The following SLC26A7 variants were observed in gnomAD, a reference collection of about 807,000 sequenced individuals.
SLC26A7 encodes anion exchange transporter.
Under a neutral mutation model 82.5 loss-of-function variants are expected in SLC26A7, and 59 were observed. The observed-to-expected ratio is 0.72, with a 90% CI of 0.58 to 0.89. The LOEUF (loss-of-function observed/expected upper bound fraction) is 0.89. SLC26A7 is among the 40% of genes least tolerant of loss of function. The pLI, the probability that SLC26A7 is intolerant of heterozygous loss-of-function variation, is 0.00. For missense variants in SLC26A7, 820 were observed against 793.0 expected (o/e 1.03, Z -0.41); for synonymous variants, 271 against 274.3 (o/e 0.99, Z 0.12).
chr8:91,345,769 C>A (rs1339275200), intron 9 of SLC26A7, among the ~76,000 whole-genome samples: 2 of 152,150 alleles, frequency 1.3e-5, no homozygotes, highest in Non-Finnish European at 2.9e-5. Context: ...CAATGTGTTC[C>A]ATAACTGGGG....
intron 2 of SLC26A7, among the ~76,000 whole-genome samples, chr8:91,240,154 G>T (rs1196048425): frequency 6.6e-6 from 1 of 152,062 alleles, no homozygotes; most frequent in African/African-American, 2.4e-5. Context: ...CCAATGTTCT[G>T]GTTGGTTGTC....
chr8:91,255,304 T>C (rs879616162), intron 2 of SLC26A7, among the ~76,000 whole-genome samples: 10 of 152,158 alleles, frequency 6.6e-5, no homozygotes, highest in Non-Finnish European at 1.5e-4. Context: ...TGTGTGGCAT[T>C]ACTGGCACCA....
At chr8:91,335,741 T>A (rs548359498) in intron 6 of SLC26A7, among the ~76,000 whole-genome samples, 1 of 152,206 alleles carries the variant, frequency 6.6e-6, no homozygotes, top group African/African-American at 2.4e-5. Flanking sequence ...GCCCAAATAC[T>A]TACAAGTTAT....
At chr8:91,273,570 A>G (rs1005711160) in intron 2 of SLC26A7, among the ~76,000 whole-genome samples, 1 of 152,200 alleles carries the variant, frequency 6.6e-6, no homozygotes, top group Non-Finnish European at 1.5e-5. Context: ...TACAGTTCTC[A>G]GGACAGAAAA....
intron 7 of SLC26A7, 70 bp downstream of exon 7, chr8:91,338,302 A>T: frequency 1.9e-6 from 2 of 1,046,504 alleles, no homozygotes; most frequent in Non-Finnish European, 2.8e-6. Flanking sequence ...AGGGACAGGG[A>T]GTGAGTGGGT....
chr8:91,394,577 G>A, intron 18 of SLC26A7: 1 of 1,202,542 alleles, frequency 8.3e-7, no homozygotes, highest in Non-Finnish European at 1.0e-6. Context: ...ATTTTTCCTT[G>A]AGTTTTGAAT....
rs76265786 is a variant in SLC26A7 at position 91,308,569 on chromosome 8, A to G, written c.478-9647A>G. ...TCTATTTTCTCCCTTTCCATACTGT[A>G]TTCTGTGGAAATAAGTCATTATGAA... On this transcript the variant is annotated intron_variant, in intron 4 of 18. Coordinates refer to ENST00000276609, the MANE Select transcript of SLC26A7 (RefSeq NM_052832.4). 4.6e-3 allele frequency among the ~76,000 whole-genome samples: 703 copies of G among 152,216 alleles called. 5 individuals carry two copies. Among genetic ancestry groups the G allele is most frequent in the African/African-American group, 0.016 (673 of 41,540 alleles).
intron 2 of SLC26A7, among the ~76,000 whole-genome samples, chr8:91,221,896 T>A (rs1037865196): frequency 2.0e-5 from 3 of 152,172 alleles, no homozygotes; most frequent in Middle Eastern, 3.4e-3. Context: ...AGTTTTTTTT[T>A]ATTTCTGTGA....
chr8:91,368,645 G>A (rs1000709653), intron 14 of SLC26A7, among the ~76,000 whole-genome samples: 11 of 151,704 alleles, frequency 7.3e-5, no homozygotes, highest in Non-Finnish European at 1.5e-4. Flanking sequence ...GGATGGTCTC[G>A]ATCTCCTGAC....
chr8:91,296,258 T>G (rs538693668), intron 4 of SLC26A7, among the ~76,000 whole-genome samples: 1 of 152,332 alleles, frequency 6.6e-6, no homozygotes, highest in South Asian at 2.1e-4. Context: ...CTTCAAAATA[T>G]CAGAATATGT....
intron 4 of SLC26A7, among the ~76,000 whole-genome samples, chr8:91,317,476 A>T (rs975778420): frequency 6.6e-6 from 1 of 152,166 alleles, no homozygotes; most frequent in Non-Finnish European, 1.5e-5. Flanking sequence ...GTGTTCCACT[A>T]TTGGAATGCT....
intron 6 of SLC26A7, among the ~76,000 whole-genome samples, 162 bp from the exon 7 acceptor site, chr8:91,337,988 G>A (rs1468104723): frequency 6.6e-6 from 1 of 152,096 alleles, no homozygotes; most frequent in Non-Finnish European, 1.5e-5. Flanking sequence ...GGGACTTTTT[G>A]ACTTTTAATA....
At chr8:91,394,128 C>T in intron 18 of SLC26A7, 89 bp downstream of exon 18, 1 of 1,589,530 alleles carries the variant, frequency 6.3e-7, no homozygotes, top group Middle Eastern at 1.7e-4. Flanking sequence ...GCTTATTACT[C>T]CATTGGCATC....
intron 3 of SLC26A7, among the ~76,000 whole-genome samples, chr8:91,294,988 C>T (rs1280215895): frequency 1.3e-5 from 2 of 152,098 alleles, no homozygotes; most frequent in African/African-American, 2.4e-5. Context: ...GGATTTGAGC[C>T]AGACCTTGAA....
chr8:91,376,388 T>C (rs1412827518), intron 15 of SLC26A7, among the ~76,000 whole-genome samples: 1 of 152,218 alleles, frequency 6.6e-6, no homozygotes, highest in African/African-American at 2.4e-5. Context: ...GATGGGACTT[T>C]TACATTTTTC....
At chr8:91,347,038 CT>C (rs1272568746) in intron 9 of SLC26A7, among the ~76,000 whole-genome samples, 4 of 152,188 alleles carry the variant, frequency 2.6e-5, no homozygotes, top group Non-Finnish European at 4.4e-5. Context: ...CTTAAAGCTA[CT>C]GGAGAACACA....
At chr8:91,242,945 G>A (rs940026120) in intron 2 of SLC26A7, among the ~76,000 whole-genome samples, 1 of 152,092 alleles carries the variant, frequency 6.6e-6, no homozygotes, top group African/African-American at 2.4e-5. Flanking sequence ...CTAGATTCAA[G>A]ATATCAAACA....
chr8:91,308,764 T>A (rs1053739195), intron 4 of SLC26A7, among the ~76,000 whole-genome samples: 5 of 152,210 alleles, frequency 3.3e-5, no homozygotes, highest in African/African-American at 9.6e-5. Flanking sequence ...TATTCTTTGG[T>A]TATAATCCAA....
rs200934477 is a variant in SLC26A7, at chr8:91,334,331, C to A, written c.679C>A (p.Arg227=). 8.1e-6 allele frequency: 13 copies of A among 1,612,362 alleles called. No individual in the cohort carries two copies. Among genetic ancestry groups the A allele is most frequent in the Non-Finnish European group, 1.0e-5 (12 of 1,179,046 alleles). Residue 227 remains arginine (R), a synonymous_variant, in exon 6 of 19, where the codon CGA becomes AGA. Transcript: ENST00000276609. Reference sequence around the variant, plus strand: ...TGTTTTTGAAAACATCAAGTCTGTGCGACTGGAAGCATTGCTTTTATCCTT... The same window carrying A: ...TGTTTTTGAAAACATCAAGTCTGTGAGACTGGAAGCATTGCTTTTATCCTT... The part of the protein sequence containing the change: ...AYVFENIKSV[R]LEALLLSLLS...
Sources: gnomAD v4.1 joint callset for allele counts (sites outside exome capture counted in the v4.1 genomes callset) on GRCh38, gnomAD v4.1.1 for gene constraint, MANE v1.5 for transcripts, NCBI Gene and HGNC (gene_info 2026-07-23, HGNC 2026-07-21) for gene names.